Variants in PITPNC1 observed in about 807,000 individuals in gnomAD.
The protein encoded by PITPNC1 is phosphatidylinositol transfer protein cytoplasmic 1.
PITPNC1 carries 18 observed loss-of-function variants against 44.7 expected under a neutral mutation model. The ratio of observed to expected loss-of-function variants is 0.40; its 90% CI spans 0.28 to 0.60. PITPNC1 has a LOEUF of 0.60. Ranked by LOEUF, PITPNC1 falls within the 20% of genes least tolerant of loss-of-function variation. The probability of loss-of-function intolerance (pLI) is 0.39; values close to 1 mark genes in which losing one functional copy is unlikely to be tolerated. For synonymous variants in PITPNC1, 141 were observed against 149.6 expected (o/e 0.94, Z 0.42); for missense variants, 290 against 418.4 (o/e 0.69, Z 2.68).
chr17:67,598,381 T>G (rs905235023), intron 5 of PITPNC1, among the ~76,000 whole-genome samples: 4 of 152,234 alleles, frequency 2.6e-5, no homozygotes, highest in African/African-American at 9.6e-5. Context: ...TGCTACCAAC[T>G]AAGGCGAGGA....
In PITPNC1 at chr17:67,584,512, C is replaced by T. The variant is rs540869466; in HGVS notation, c.366+6255C>T. Reference sequence around the variant, plus strand: ...ATCAGTATTGAAGTTCCAGTTATCACCATAAGCCTAAGGCTTGGTTTCTTT... The same window carrying T: ...ATCAGTATTGAAGTTCCAGTTATCATCATAAGCCTAAGGCTTGGTTTCTTT... On this transcript the variant is annotated intron_variant, in intron 5 of 8. Transcript: ENST00000581322. Among the ~76,000 whole-genome samples, 74 of 152,020 alleles carry T rather than the reference C, an allele frequency of 4.9e-4. 1 individual carries two copies. Among genetic ancestry groups the T allele is most frequent in the South Asian group, 3.5e-3 (17 of 4,798 alleles).
chr17:67,414,067 G>A (rs1174596021), intron 1 of PITPNC1, among the ~76,000 whole-genome samples: 2 of 149,124 alleles, frequency 1.3e-5, no homozygotes, highest in African/African-American at 5.0e-5. Flanking sequence ...TGGTAACTTG[G>A]ACTTTAATAA....
chr17:67,468,400 C>CTTTT lies in PITPNC1; in HGVS notation c.49-64386_49-64383dup, dbSNP rs139820910. The stretch of plus-strand genomic sequence containing the variant: ...AGGAATGAACAGGTGGCTTTCTTTC[C>CTTTT]TTTTTTTTTTTTTTTTTTTGAGATG... On this transcript the variant is annotated intron_variant, in intron 1 of 8. Coordinates refer to ENST00000581322, the MANE Select transcript of PITPNC1 (RefSeq NM_012417.4). Among the ~76,000 whole-genome samples the CTTTT allele has an allele frequency of 1.3e-4, 16 of 119,960 alleles. No homozygotes were observed. The South Asian group carries it at 2.8e-3, about 21-fold the overall frequency. 78.7% of individuals were successfully genotyped at this position (119,960 alleles called of 152,430 possible).
Position 67,494,209 on chromosome 17 carries a change from C to CTTTCTTTCTTTCTTTCT in PITPNC1, c.49-38586_49-38585insCTTTCTTTCTTTTCTTT, listed in dbSNP as rs1568012961. 6.1e-5 allele frequency among the ~76,000 whole-genome samples: 9 copies of CTTTCTTTCTTTCTTTCT among 146,880 alleles called. 1 individual carries two copies. The highest frequency in any genetic ancestry group is 2.3e-4 in the African/African-American group (9 of 38,928). On this transcript the variant is annotated intron_variant, in intron 1 of 8. Coordinates refer to ENST00000581322, the MANE Select transcript of PITPNC1 (RefSeq NM_012417.4). ...TTTTTCTTTCTTTCTTTCTTTCTTT[C>CTTTCTTTCTTTCTTTCT]TTTCTTTTTGAGACGTAGTCTTGCT...
chr17:67,583,636 T>A (rs1598851101), intron 5 of PITPNC1, among the ~76,000 whole-genome samples: 1 of 150,626 alleles, frequency 6.6e-6, no homozygotes, highest in East Asian at 2.0e-4. Context: ...TCACTGATGC[T>A]GCTGTCCCAG....
Position 67,694,532 on chromosome 17 carries a change from T to G in PITPNC1, c.*1644T>G, listed in dbSNP as rs948662343. 1.2e-4 allele frequency: 19 copies of G among 152,226 alleles called. No homozygotes were observed. The highest frequency in any genetic ancestry group is 5.9e-5 in the Non-Finnish European group (4 of 68,050). 9.4% of individuals were successfully genotyped at this position (152,226 alleles called of 1,614,324 possible). The stretch of plus-strand genomic sequence containing the variant: ...ATACACTCTCCCAAGGTGCAGGCGC[T>G]GGCCCCATGAGCCCAGCACCAAAGT... On this transcript the variant is annotated 3_prime_UTR_variant, in exon 9 of 9. Coordinates refer to ENST00000581322, the MANE Select transcript of PITPNC1 (RefSeq NM_012417.4).
chr17:67,630,753 T>C (rs2041955294), intron 5 of PITPNC1, among the ~76,000 whole-genome samples: 2 of 151,078 alleles, frequency 1.3e-5, no homozygotes, highest in South Asian at 4.2e-4. Flanking sequence ...ACTCTGTCAC[T>C]CAGGCTGGAG....
chr17:67,600,135 C>G (rs62086168), intron 5 of PITPNC1, among the ~76,000 whole-genome samples: 31,279 of 152,022 alleles, frequency 0.21, 3,235 homozygotes, highest in East Asian at 0.26. Context: ...TGAAAGGAAC[C>G]TGAAAAGAAT....
chr17:67,693,155 T>C lies in PITPNC1; in HGVS notation c.*267T>C. On this transcript the variant is annotated 3_prime_UTR_variant, in exon 9 of 9. Transcript: ENST00000581322. ...GCTGTATGCCAGAGAGGAAGCCTTGTTATTGGGCATTTGATGAGGTTTGGC... is the reference window on the plus strand; with the variant it reads ...GCTGTATGCCAGAGAGGAAGCCTTGCTATTGGGCATTTGATGAGGTTTGGC... 2.8e-6 allele frequency: 1 copy of C among 363,040 alleles called. No homozygotes were observed. The highest frequency in any genetic ancestry group is 4.9e-6 in the Non-Finnish European group (1 of 204,652). 22.5% of individuals were successfully genotyped at this position (363,040 alleles called of 1,614,324 possible). A position where few individuals can be genotyped will look rare whatever the true frequency, so the allele number is the denominator to read the frequency against.
chr17:67,497,877 T>C (rs533092832), intron 1 of PITPNC1, among the ~76,000 whole-genome samples: 90 of 151,006 alleles, frequency 6.0e-4, no homozygotes, highest in Middle Eastern at 3.4e-3. Context: ...TTTTTTTTTT[T>C]CAAGATGGAG....
At chr17:67,579,801 G>A (rs926163557) in intron 5 of PITPNC1, among the ~76,000 whole-genome samples, 15 of 151,820 alleles carry the variant, frequency 9.9e-5, no homozygotes, top group African/African-American at 2.4e-4. Context: ...TTAGCCGGGC[G>A]TGGTGGCGCA....
chr17:67,539,059 T>C lies in PITPNC1; in HGVS notation c.197+6109T>C, dbSNP rs141403632. On this transcript the variant is annotated intron_variant, in intron 2 of 8. Coordinates refer to ENST00000581322, the MANE Select transcript of PITPNC1 (RefSeq NM_012417.4). ...AAAGAGGAAATGAGAATGGCTAATA[T>C]AAACATGAAAAAAATTCCCACCTTA... Among the ~76,000 whole-genome samples the C allele has an allele frequency of 1.3e-4, 20 of 151,482 alleles. No individual in the cohort carries two copies. In the East Asian group the frequency reaches 2.9e-3, roughly 22 times the overall value.
chr17:67,557,153 T>G (rs1386968343), intron 4 of PITPNC1, among the ~76,000 whole-genome samples: 1 of 152,126 alleles, frequency 6.6e-6, no homozygotes, highest in East Asian at 1.9e-4. Context: ...AGGGCTGTCT[T>G]CCTGGTAAGC....
At chr17:67,409,599 C>T (rs530224579) in intron 1 of PITPNC1, among the ~76,000 whole-genome samples, 11 of 151,590 alleles carry the variant, frequency 7.3e-5, no homozygotes, top group Non-Finnish European at 1.2e-4. Flanking sequence ...AGTGCAGTGG[C>T]GTGATCCCAA....
At chr17:67,601,509 G>T (rs1326057089) in intron 5 of PITPNC1, among the ~76,000 whole-genome samples, 1 of 152,088 alleles carries the variant, frequency 6.6e-6, no homozygotes, top group Non-Finnish European at 1.5e-5. Context: ...TCAGCACTGT[G>T]GGAGGCTGGA....
At chr17:67,469,890 GATAT>G (rs2039490090) in intron 1 of PITPNC1, among the ~76,000 whole-genome samples, 1 of 151,996 alleles carries the variant, frequency 6.6e-6, no homozygotes. Flanking sequence ...GCTTTACTGT[GATAT>G]ATAATATATA....
chr17:67,615,521 C>T (rs1015342217), intron 5 of PITPNC1, among the ~76,000 whole-genome samples: 5 of 152,180 alleles, frequency 3.3e-5, no homozygotes, highest in Non-Finnish European at 5.9e-5. Flanking sequence ...ATTTCATTCT[C>T]TTGAGGCTGA....
At chr17:67,677,069 C>A (rs1212036402) in intron 8 of PITPNC1, among the ~76,000 whole-genome samples, 2 of 152,084 alleles carry the variant, frequency 1.3e-5, no homozygotes, top group Non-Finnish European at 2.9e-5. Flanking sequence ...TGATTACTTC[C>A]TCTGATCCTT....
chr17:67,431,329 G>A (rs2038854207), intron 1 of PITPNC1, among the ~76,000 whole-genome samples: 1 of 152,066 alleles, frequency 6.6e-6, no homozygotes, highest in Non-Finnish European at 1.5e-5. Context: ...AAAGTGCTGG[G>A]ATTACAGAGT....
Sources: gnomAD v4.1 joint callset for allele counts (sites outside exome capture counted in the v4.1 genomes callset) on GRCh38, gnomAD v4.1.1 for gene constraint, MANE v1.5 for transcripts, NCBI Gene and HGNC (gene_info 2026-07-23, HGNC 2026-07-21) for gene names.